The following XDH variants were observed in gnomAD, a reference collection of about 807,000 sequenced individuals.
XDH encodes the protein xanthine dehydrogenase/oxidase.
XDH carries 138 observed loss-of-function variants against 156.1 expected under a neutral mutation model. The ratio of observed to expected loss-of-function variants is 0.88; its 90% CI spans 0.77 to 1.02. The LOEUF (loss-of-function observed/expected upper bound fraction) is 1.02. Ranked by LOEUF, XDH falls within the 50% of genes least tolerant of loss-of-function variation. The pLI is 0.00. For missense variants in XDH, 1,849 were observed against 1,684.9 expected (o/e 1.10, Z -1.71); for synonymous variants, 669 against 625.7 (o/e 1.07, Z -1.03).
chr2:31,351,846 C>T (rs1043080548), intron 24 of XDH, among the ~76,000 whole-genome samples: 3 of 152,182 alleles, frequency 2.0e-5, no homozygotes, highest in African/African-American at 7.2e-5. Flanking sequence ...TTCTAGCTTC[C>T]TGCTATTGAG....
chr2:31,352,502 A>G (rs540839601), intron 24 of XDH, among the ~76,000 whole-genome samples: 1 of 152,208 alleles, frequency 6.6e-6, no homozygotes, highest in East Asian at 1.9e-4. Flanking sequence ...TTTCCCTAGT[A>G]CTTTATCAAC....
At chr2:31,356,174 T>A (rs900178731) in intron 24 of XDH, among the ~76,000 whole-genome samples, 2 of 152,128 alleles carry the variant, frequency 1.3e-5, no homozygotes, top group Admixed American at 6.5e-5. Context: ...ACAATTACAG[T>A]TGGAGATTTC....
At chr2:31,341,196 A>G in intron 33 of XDH, 133 bp downstream of exon 33, 1 of 938,898 alleles carries the variant, frequency 1.1e-6, no homozygotes, top group Non-Finnish European at 1.7e-6. Context: ...CTTTGGGGGA[A>G]ACTCCCTAGG....
rs45515198 is a variant in XDH at position 31,349,988 on chromosome 2, T to C, written c.2823+44A>G. ...GATACAAAGCCGCTGTCCCCCGAAG[T>C]AGTCTAAAGCACTCTGACTTGTGCT... On this transcript the variant is annotated intron_variant, in intron 25 of 35. Transcript: ENST00000379416. 2,206 of 1,612,586 alleles carry C rather than the reference T, an allele frequency of 1.4e-3. 36 individuals carry two copies. The African/African-American group carries it at 0.027, about 20-fold the overall frequency.
At chr2:31,349,010 C>T in intron 26 of XDH, 30 bp from the exon 27 acceptor site, 2 of 1,591,078 alleles carry the variant, frequency 1.3e-6, no homozygotes, top group Non-Finnish European at 1.7e-6. Context: ...CTTATAGAAC[C>T]TTCGCTATCA....
At chr2:31,404,782 A>G (rs1312617960) in intron 2 of XDH, among the ~76,000 whole-genome samples, 1 of 152,148 alleles carries the variant, frequency 6.6e-6, no homozygotes, top group Non-Finnish European at 1.5e-5. Context: ...GAACCTCCAG[A>G]TACACCCACT....
Position 31,366,126 on chromosome 2 carries a change from G to A in XDH, c.2323-17C>T, listed in dbSNP as rs1558688471. ...AACAAAGCTCTGTGAGTGAAAGACA[G>A]AACATTCGCACTGAATGCATTACCT... On this transcript the variant is annotated splice_polypyrimidine_tract_variant and intron_variant, in intron 21 of 35. Transcript: ENST00000379416. The A allele has an allele frequency of 2.5e-6, 4 of 1,614,246 alleles. No homozygotes were observed. The highest frequency in any genetic ancestry group is 3.4e-6 in the Non-Finnish European group (4 of 1,180,052).
At chr2:31,368,383 GT>G (rs1685978658) in intron 19 of XDH, among the ~76,000 whole-genome samples, 157 bp downstream of exon 19, 1 of 152,174 alleles carries the variant, frequency 6.6e-6, no homozygotes, top group African/African-American at 2.4e-5. Flanking sequence ...AAAGGGGAAG[GT>G]TTCATGGGAC....
rs1686980822 is a variant in XDH, at chr2:31,398,708, T to C, written c.307-9A>G. 1.2e-6 allele frequency: 2 copies of C among 1,613,368 alleles called. No individual in the cohort carries two copies. The highest frequency in any genetic ancestry group is 2.2e-5 in the East Asian group (1 of 44,856). On this transcript the variant is annotated splice_polypyrimidine_tract_variant and intron_variant, in intron 4 of 35. Transcript: ENST00000379416. ...CTTTTGGCAATTCTCTCCTAAAAGATACAGATGACATAGACACCTGGGATG... is the reference window on the plus strand; with the variant it reads ...CTTTTGGCAATTCTCTCCTAAAAGACACAGATGACATAGACACCTGGGATG...
At position 31,364,222 on chromosome 2, in the gene XDH, G is replaced by A. The variant is rs772217789; in HGVS notation, c.2567C>T (p.Thr856Ile). The A allele has an allele frequency of 6.2e-7, 1 of 1,614,042 alleles. No individual in the cohort carries two copies. The highest frequency in any genetic ancestry group is 1.7e-5 in the Admixed American group (1 of 60,006). Residue 856 changes from threonine to isoleucine, a missense_variant, in exon 24 of 36, where the codon ACA becomes ATA. Thr to Ile is a moderately conservative substitution (Grantham distance 89). Coordinates refer to ENST00000379416, the MANE Select transcript of XDH (RefSeq NM_000379.4). ...GTGGTCCACCTCAAGAGCCACAACT[G>A]TCCCAGTCTTCATGAAGCCAACCTG... ...RYKVGFMKTG[T>I]VVALEVDHFS...
At chr2:31,337,405 C>G (rs1315677823) in intron 35 of XDH, among the ~76,000 whole-genome samples, 1 of 152,130 alleles carries the variant, frequency 6.6e-6, no homozygotes, top group Non-Finnish European at 1.5e-5. Flanking sequence ...CCACACATTC[C>G]TCCCATCTCT....
intron 1 of XDH, among the ~76,000 whole-genome samples, chr2:31,412,733 G>A (rs930463598): frequency 1.1e-4 from 16 of 152,112 alleles, no homozygotes; most frequent in African/African-American, 3.9e-4. Flanking sequence ...TAAAAATGAG[G>A]ACAACTTTCT....
At chr2:31,352,863 G>T (rs941386840) in intron 24 of XDH, among the ~76,000 whole-genome samples, 1 of 150,524 alleles carries the variant, frequency 6.6e-6, no homozygotes, top group African/African-American at 2.4e-5. Context: ...GGGGAATGTC[G>T]GCTTTTCCTG....
intron 6 of XDH, among the ~76,000 whole-genome samples, chr2:31,389,806 T>C (rs945932648): frequency 1.3e-5 from 2 of 152,112 alleles, no homozygotes; most frequent in Non-Finnish European, 2.9e-5. Context: ...AGATTCCTAC[T>C]TTACTAAATA....
At position 31,365,096 on chromosome 2, in the gene XDH, C is replaced by T. The variant is rs141752048; in HGVS notation, c.2544+361G>A. On this transcript the variant is annotated intron_variant, in intron 23 of 35. Transcript: ENST00000379416. ...AAGTTTTATTTCTCACAGTAAATTA[C>T]TAAGCTGTCATTCCAATTTTTACAT... Among the ~76,000 whole-genome samples, 23 of 152,302 alleles carry T rather than the reference C, an allele frequency of 1.5e-4. No homozygotes were observed. In the East Asian group the frequency reaches 3.9e-3, roughly 26 times the overall value.
intron 4 of XDH, 35 bp from the exon 5 acceptor site, chr2:31,398,734 G>C (rs755972834): frequency 4.3e-6 from 7 of 1,611,794 alleles, no homozygotes; most frequent in Non-Finnish European, 5.9e-6. Context: ...ACCTGGGATG[G>C]CAGAACCCTC....
In XDH at chr2:31,391,369, G is replaced by C. The variant is rs45445091; in HGVS notation, c.496-3074C>G. 6.1e-4 allele frequency among the ~76,000 whole-genome samples: 93 copies of C among 152,204 alleles called. 1 individual carries two copies. The highest frequency in any genetic ancestry group is 4.6e-3 in the Admixed American group (71 of 15,284). On this transcript the variant is annotated intron_variant, in intron 6 of 35. Transcript: ENST00000379416. ...GTCCATTCTTTTTGTAGTATGGACA[G>C]TGTCCATACTACACTGTCTTGATAA...
chr2:31,382,918 CTGACACAGTGAGA>C, intron 11 of XDH, 70 bp downstream of exon 11: 1 of 1,600,120 alleles, frequency 6.2e-7, no homozygotes, highest in Non-Finnish European at 8.5e-7. Flanking sequence ...GCCCACTGCA[CTGACACAGTGAGA>C]GTCTGGCTGC....
chr2:31,372,174 T>A, intron 17 of XDH, 54 bp downstream of exon 17: 1 of 1,613,482 alleles, frequency 6.2e-7, no homozygotes, highest in Non-Finnish European at 8.5e-7. Context: ...TCCTGGGTAC[T>A]CCCAGTGGCC....
Sources: allele counts gnomAD v4.1 joint callset (sites outside exome capture counted in the v4.1 genomes callset), GRCh38; gene constraint gnomAD v4.1.1; transcripts MANE v1.5; gene names NCBI Gene and HGNC (gene_info 2026-07-23, HGNC 2026-07-21).